Variants in PID1 observed in about 807,000 individuals in gnomAD.
PID1 encodes the protein PTB-containing, cubilin and LRP1-interacting protein.
Under a neutral mutation model 19.1 loss-of-function variants are expected in PID1, and 10 were observed. That is an observed-to-expected ratio of 0.52 (90% confidence interval 0.32 to 0.89). PID1 has a LOEUF of 0.89. Among genes scored for constraint, PID1 ranks in the 40% least tolerant of loss-of-function variants. The pLI is 0.03. For synonymous variants in PID1, 130 were observed against 116.0 expected (o/e 1.12, Z -0.78); for missense variants, 248 against 285.3 (o/e 0.87, Z 0.94).
In PID1 at chr2:229,201,333, C is replaced by A. The variant is rs149586982; in HGVS notation, c.31-45369G>T. ...CATCATTCCGCTTTCTATCTTTAGG[C>A]TTTTGACCACTGTAAGAACTTCAGA... On this transcript the variant is annotated intron_variant, in intron 1 of 2. Coordinates refer to ENST00000392055, the MANE Select transcript of PID1 (RefSeq NM_001100818.2). 3.9e-5 allele frequency among the ~76,000 whole-genome samples: 6 copies of A among 152,194 alleles called. No homozygotes were observed. In the East Asian group the frequency reaches 1.2e-3, roughly 29 times the overall value.
intron 2 of PID1, among the ~76,000 whole-genome samples, chr2:229,027,629 T>C (rs60937332): frequency 0.11 from 16,905 of 151,942 alleles, 1,019 homozygotes; most frequent in Admixed American, 0.17. Context: ...GGAAGAGGCA[T>C]TGGATTTCAA....
At chr2:229,114,200 C>CAA (rs1262925313) in intron 2 of PID1, among the ~76,000 whole-genome samples, 82 of 149,104 alleles carry the variant, frequency 5.5e-4, no homozygotes, top group Non-Finnish European at 9.9e-4. Context: ...CACACACACA[C>CAA]AACACAACAC....
At chr2:229,166,605 C>T (rs750167908) in intron 1 of PID1, among the ~76,000 whole-genome samples, 25 of 152,160 alleles carry the variant, frequency 1.6e-4, no homozygotes, top group Non-Finnish European at 2.6e-4. Context: ...TAAGAGATTC[C>T]CAAGTAAAAT....
At chr2:229,234,361 A>G (rs574583256) in intron 1 of PID1, among the ~76,000 whole-genome samples, 1 of 152,128 alleles carries the variant, frequency 6.6e-6, no homozygotes, top group African/African-American at 2.4e-5. Context: ...AGAAGAGGGA[A>G]GAAGACAAGT....
intron 1 of PID1, among the ~76,000 whole-genome samples, chr2:229,190,067 C>A (rs1691223300): frequency 2.0e-5 from 3 of 152,170 alleles, no homozygotes; most frequent in African/African-American, 2.4e-5. Flanking sequence ...GCTCAGAGCC[C>A]TCAGAAAGCA....
chr2:229,032,489 G>T (rs946140798), intron 2 of PID1, among the ~76,000 whole-genome samples: 1 of 152,186 alleles, frequency 6.6e-6, no homozygotes, highest in South Asian at 2.1e-4. Context: ...CAACCTTCCA[G>T]AGCCACAAAG....
At chr2:229,238,531 T>G (rs149941689) in intron 1 of PID1, among the ~76,000 whole-genome samples, 1 of 152,116 alleles carries the variant, frequency 6.6e-6, no homozygotes, top group Admixed American at 6.6e-5. Context: ...CCATAAACAT[T>G]TGTTTGCCTT....
rs537306652 is a variant in PID1, at chr2:229,067,226, A to C, written c.178-41118T>G. Among the ~76,000 whole-genome samples the C allele has an allele frequency of 9.9e-5, 15 of 152,226 alleles. No homozygotes were observed. In the Middle Eastern group the frequency reaches 0.014, roughly 138 times the overall value. On this transcript the variant is annotated intron_variant, in intron 2 of 2. Transcript: ENST00000392055. ...CATGGGGGTAACTGCCCCCATGATT[A>C]AATTATCTCCACCTGGTCTTGCCCT...
intron 2 of PID1, among the ~76,000 whole-genome samples, chr2:229,067,879 C>G (rs77871762): frequency 0.038 from 5,745 of 152,258 alleles, 139 homozygotes; most frequent in Middle Eastern, 0.054. Flanking sequence ...ACTGGAGCAG[C>G]CTGGTGCATT....
At chr2:229,266,065 C>A (rs1690584742) in intron 1 of PID1, among the ~76,000 whole-genome samples, 1 of 152,172 alleles carries the variant, frequency 6.6e-6, no homozygotes, top group South Asian at 2.1e-4. Context: ...CTGAGGGAGA[C>A]TAAGGCCCCG....
chr2:229,269,531 G>A (rs1437637328), intron 1 of PID1, among the ~76,000 whole-genome samples: 2 of 152,190 alleles, frequency 1.3e-5, no homozygotes, highest in East Asian at 3.8e-4. Flanking sequence ...TCTCTCTAAG[G>A]ACTTCCAAAA....
chr2:229,183,549 A>T (rs957400092), intron 1 of PID1, among the ~76,000 whole-genome samples: 1 of 152,168 alleles, frequency 6.6e-6, no homozygotes, highest in East Asian at 1.9e-4. Flanking sequence ...GAAGGCCTAA[A>T]TAAAACCAAT....
chr2:229,166,685 A>G (rs1307701311), intron 1 of PID1, among the ~76,000 whole-genome samples: 1 of 152,104 alleles, frequency 6.6e-6, no homozygotes, highest in African/African-American at 2.4e-5. Flanking sequence ...ATTACTCCCT[A>G]TGAAATTAAT....
chr2:229,077,409 T>G (rs1171432946), intron 2 of PID1, among the ~76,000 whole-genome samples: 1 of 152,236 alleles, frequency 6.6e-6, no homozygotes, highest in Non-Finnish European at 1.5e-5. Context: ...TTAGTCAATT[T>G]TGGCTTCTGT....
chr2:229,178,764 G>A (rs1690878002), intron 1 of PID1, among the ~76,000 whole-genome samples: 3 of 149,826 alleles, frequency 2.0e-5, no homozygotes, highest in South Asian at 2.1e-4. Flanking sequence ...CTATGTGATC[G>A]AGACTACACA....
At chr2:229,194,978 T>C (rs1267845023) in intron 1 of PID1, among the ~76,000 whole-genome samples, 1 of 151,912 alleles carries the variant, frequency 6.6e-6, no homozygotes, top group Non-Finnish European at 1.5e-5. Flanking sequence ...AATATATCTT[T>C]GCGGATTTTT....
At chr2:229,195,269 T>C (rs1483098560) in intron 1 of PID1, among the ~76,000 whole-genome samples, 1 of 151,776 alleles carries the variant, frequency 6.6e-6, no homozygotes, top group Admixed American at 6.6e-5. Flanking sequence ...CTTCCCCCAT[T>C]GAAACCTCAT....
chr2:229,237,287 G>A (rs892265291), intron 1 of PID1, among the ~76,000 whole-genome samples: 3 of 152,188 alleles, frequency 2.0e-5, no homozygotes, highest in African/African-American at 4.8e-5. Flanking sequence ...GTTGTAGAAC[G>A]AGGCAGTCAA....
At chr2:229,083,653 A>T (rs945198570) in intron 2 of PID1, among the ~76,000 whole-genome samples, 2 of 152,262 alleles carry the variant, frequency 1.3e-5, no homozygotes, top group African/African-American at 2.4e-5. Flanking sequence ...TGAGTGTCAG[A>T]AATAATTCCA....
Sources: allele counts gnomAD v4.1 joint callset (sites outside exome capture counted in the v4.1 genomes callset), GRCh38; gene constraint gnomAD v4.1.1; transcripts MANE v1.5; gene names NCBI Gene and HGNC (gene_info 2026-07-23, HGNC 2026-07-21).